The following NAALADL2 variants were observed in gnomAD, a reference collection of about 807,000 sequenced individuals.
NAALADL2 encodes the protein inactive N-acetylated-alpha-linked acidic dipeptidase-like protein 2.
NAALADL2 carries 76 observed loss-of-function variants against 87.2 expected under a neutral mutation model. The ratio of observed to expected loss-of-function variants is 0.87; its 90% CI spans 0.72 to 1.05. The LOEUF is 1.05. Ranked by LOEUF, NAALADL2 falls within the 50% of genes least tolerant of loss-of-function variation. The pLI, the probability that NAALADL2 is intolerant of heterozygous loss-of-function variation, is 0.00. For missense variants in NAALADL2, 1,089 were observed against 945.8 expected (o/e 1.15, Z -1.99); for synonymous variants, 354 against 331.0 (o/e 1.07, Z -0.75).
chr3:174,605,247 G>A (rs538391794), intron 2 of NAALADL2, among the ~76,000 whole-genome samples: 10 of 152,308 alleles, frequency 6.6e-5, no homozygotes, highest in South Asian at 2.1e-4. Flanking sequence ...CGCAGAAGAC[G>A]GGTGATTTCT....
intron 1 of NAALADL2, among the ~76,000 whole-genome samples, chr3:175,026,663 A>G (rs1014236194): frequency 3.3e-5 from 5 of 151,994 alleles, no homozygotes; most frequent in Non-Finnish European, 5.9e-5. Flanking sequence ...CTCAAAAAAA[A>G]AAAATCAAAT....
intron 2 of NAALADL2, among the ~76,000 whole-genome samples, chr3:175,113,750 T>G (rs1213272415): frequency 6.6e-6 from 1 of 151,522 alleles, no homozygotes; most frequent in East Asian, 1.9e-4. Flanking sequence ...TGCTTAAGGA[T>G]CCCCAATTTT....
At chr3:175,135,102 T>C (rs1204579434) in intron 2 of NAALADL2, among the ~76,000 whole-genome samples, 1 of 152,166 alleles carries the variant, frequency 6.6e-6, no homozygotes, top group Non-Finnish European at 1.5e-5. Context: ...CTGCTACTAC[T>C]GCAAATAATG....
chr3:174,927,288 A>T (rs1394751787), intron 1 of NAALADL2, among the ~76,000 whole-genome samples: 2 of 152,200 alleles, frequency 1.3e-5, no homozygotes, highest in African/African-American at 4.8e-5. Context: ...TGTCAACATT[A>T]GACAGATCAA....
chr3:174,644,241 T>A (rs1389946653), intron 2 of NAALADL2, among the ~76,000 whole-genome samples: 1 of 152,250 alleles, frequency 6.6e-6, no homozygotes, highest in African/African-American at 2.4e-5. Context: ...AGCCTACTGT[T>A]GATCAGAAGC....
intron 3 of NAALADL2, among the ~76,000 whole-genome samples, chr3:174,803,365 C>T (rs990244968): frequency 6.6e-6 from 1 of 152,092 alleles, no homozygotes; most frequent in Non-Finnish European, 1.5e-5. Context: ...TTTGTAGATT[C>T]TAGGTATTAG....
intron 13 of NAALADL2, 147 bp downstream of exon 13, chr3:175,755,565 C>G (rs922459546): frequency 3.8e-6 from 2 of 524,658 alleles, no homozygotes; most frequent in Non-Finnish European, 6.1e-6. Context: ...CCCCCTCCCC[C>G]AAAGAAAAAT....
intron 2 of NAALADL2, among the ~76,000 whole-genome samples, chr3:174,570,289 T>C (rs894543286): frequency 1.3e-5 from 2 of 152,104 alleles, no homozygotes; most frequent in African/African-American, 4.8e-5. Context: ...AGCTTAGCAT[T>C]AGATTTTTAT....
At chr3:175,752,772 A>G (rs956762766) in intron 12 of NAALADL2, among the ~76,000 whole-genome samples, 2 of 152,094 alleles carry the variant, frequency 1.3e-5, no homozygotes, top group East Asian at 1.9e-4. Flanking sequence ...GTCTCACTTG[A>G]TTCGGTAGTA....
chr3:175,296,705 A>G (rs1308834296), intron 4 of NAALADL2, among the ~76,000 whole-genome samples: 6 of 152,172 alleles, frequency 3.9e-5, no homozygotes, highest in Admixed American at 3.9e-4. Flanking sequence ...TCAACACTGT[A>G]TTTTGAATAT....
intron 2 of NAALADL2, among the ~76,000 whole-genome samples, chr3:174,730,996 A>G (rs1578711527): frequency 6.6e-6 from 1 of 152,068 alleles, no homozygotes; most frequent in African/African-American, 2.4e-5. Flanking sequence ...ACAATTATAA[A>G]TTTTTTTCAT....
intron 1 of NAALADL2, among the ~76,000 whole-genome samples, chr3:174,465,496 T>C (rs574106176): frequency 6.6e-6 from 1 of 152,366 alleles, no homozygotes; most frequent in Admixed American, 6.5e-5. Flanking sequence ...GTTATATAAA[T>C]CACTGAAAGT....
intron 4 of NAALADL2, among the ~76,000 whole-genome samples, chr3:175,287,416 C>T (rs1755117467): frequency 6.6e-6 from 1 of 152,166 alleles, no homozygotes; most frequent in Non-Finnish European, 1.5e-5. Flanking sequence ...AAAGTGCATA[C>T]ACCATGCACT....
chr3:175,240,348 C>A (rs952710753), intron 3 of NAALADL2, among the ~76,000 whole-genome samples: 6 of 152,132 alleles, frequency 3.9e-5, no homozygotes, highest in Admixed American at 1.3e-4. Context: ...CTCAAAGAGA[C>A]AAAAATACAA....
intron 2 of NAALADL2, among the ~76,000 whole-genome samples, chr3:175,226,601 T>C (rs1744189210): frequency 6.6e-6 from 1 of 152,114 alleles, no homozygotes; most frequent in Non-Finnish European, 1.5e-5. Context: ...AATTTCCTTA[T>C]CTGTAAAGTG....
chr3:175,236,202 C>T (rs974786467), intron 3 of NAALADL2, among the ~76,000 whole-genome samples: 4 of 152,050 alleles, frequency 2.6e-5, no homozygotes, highest in African/African-American at 9.7e-5. Flanking sequence ...ATGAACCCTT[C>T]AATAACAATT....
At position 175,368,596 on chromosome 3, in the gene NAALADL2, T is replaced by TGTGTGTGTG. The variant is rs397838105; in HGVS notation, c.1090+44271_1090+44272insGTGTGTGTG. Among the ~76,000 whole-genome samples, 16 of 151,692 alleles carry TGTGTGTGTG rather than the reference T, an allele frequency of 1.1e-4. No homozygotes were observed. The East Asian group carries it at 2.5e-3, about 24-fold the overall frequency. ...GAGTGTGTGTGTGTGTGTGTGTGTG[T>TGTGTGTGTG]TTATAGCCAGTATGTATATATGTAG... On this transcript the variant is annotated intron_variant, in intron 5 of 13. Coordinates refer to ENST00000454872, the MANE Select transcript of NAALADL2 (RefSeq NM_207015.3).
intron 3 of NAALADL2, among the ~76,000 whole-genome samples, chr3:174,773,154 T>G (rs779336445): frequency 6.6e-6 from 1 of 152,108 alleles, no homozygotes; most frequent in African/African-American, 2.4e-5. Flanking sequence ...GAAAGAAGGA[T>G]GGGTCTTGAG....
At chr3:175,537,633 G>A (rs1471196560) in intron 9 of NAALADL2, among the ~76,000 whole-genome samples, 1 of 152,146 alleles carries the variant, frequency 6.6e-6, no homozygotes, top group East Asian at 1.9e-4. Flanking sequence ...ACATACCTTA[G>A]AGAACCCTCT....
Sources: allele counts gnomAD v4.1 joint callset (sites outside exome capture counted in the v4.1 genomes callset), GRCh38; gene constraint gnomAD v4.1.1; transcripts MANE v1.5; gene names NCBI Gene and HGNC (gene_info 2026-07-23, HGNC 2026-07-21).